The following INPP4B variants were observed in gnomAD, a reference collection of about 807,000 sequenced individuals.
The protein encoded by INPP4B is inositol polyphosphate 4-phosphatase type II.
Under a neutral mutation model 122.5 loss-of-function variants are expected in INPP4B, and 55 were observed. The ratio of observed to expected loss-of-function variants is 0.45; its 90% CI spans 0.36 to 0.56. The LOEUF is 0.56. INPP4B is among the 20% of genes least tolerant of loss of function. INPP4B has a pLI of 0.00. For missense variants in INPP4B, 1,000 were observed against 1,097.7 expected, an observed-to-expected ratio of 0.91 and a Z score of 1.26; for synonymous variants, 403 against 388.7, an observed-to-expected ratio of 1.04 and a Z score of -0.43.
intron 2 of INPP4B, among the ~76,000 whole-genome samples, chr4:142,593,427 C>A (rs895213940): frequency 1.3e-5 from 2 of 152,160 alleles, no homozygotes; most frequent in African/African-American, 4.8e-5. Context: ...TCAGCCCCCA[C>A]TTGACCTTTA....
At chr4:142,833,209 TA>T (rs1461596610) in intron 1 of INPP4B, among the ~76,000 whole-genome samples, 1 of 152,054 alleles carries the variant, frequency 6.6e-6, no homozygotes, top group Admixed American at 6.6e-5. Flanking sequence ...AAGTTCAATT[TA>T]AAAAAACTTA....
intron 1 of INPP4B, among the ~76,000 whole-genome samples, chr4:142,750,035 A>G (rs1459616436): frequency 6.6e-6 from 1 of 151,866 alleles, no homozygotes; most frequent in Non-Finnish European, 1.5e-5. Flanking sequence ...AACCAATTTT[A>G]ATATAAAAAA....
intron 2 of INPP4B, among the ~76,000 whole-genome samples, chr4:142,568,327 C>T (rs1732091869): frequency 6.6e-6 from 1 of 151,990 alleles, no homozygotes; most frequent in African/African-American, 2.4e-5. Context: ...GGTAACTTAC[C>T]AAGGTCCAAA....
chr4:142,409,274 C>CTA (rs1328024955), intron 5 of INPP4B, among the ~76,000 whole-genome samples: 2 of 152,178 alleles, frequency 1.3e-5, no homozygotes, highest in Non-Finnish European at 2.9e-5. Flanking sequence ...GGGCAGATTG[C>CTA]TTGAGGTCAG....
chr4:142,095,027 C>T (rs1323795756), intron 23 of INPP4B, among the ~76,000 whole-genome samples: 1 of 152,108 alleles, frequency 6.6e-6, no homozygotes, highest in Non-Finnish European at 1.5e-5. Context: ...TAATCTGGGA[C>T]ACTCATATAT....
chr4:142,061,227 A>G (rs1374310673), intron 25 of INPP4B, among the ~76,000 whole-genome samples: 1 of 152,228 alleles, frequency 6.6e-6, no homozygotes, highest in Admixed American at 6.5e-5. Context: ...TACCCAAAGT[A>G]GCAAACTCCC....
At chr4:142,218,048 G>GTGTGTGTGTGTT (rs1848032500) in intron 12 of INPP4B, among the ~76,000 whole-genome samples, 1 of 151,956 alleles carries the variant, frequency 6.6e-6, no homozygotes, top group Admixed American at 6.6e-5. Flanking sequence ...GTGTGTGTGT[G>GTGTGTGTGTGTT]TGTGTGTGTG....
intron 2 of INPP4B, among the ~76,000 whole-genome samples, chr4:142,545,415 A>G (rs1325878538): frequency 6.6e-6 from 1 of 152,078 alleles, no homozygotes. Flanking sequence ...TAACTGAGTG[A>G]CTCACTGAGG....
At chr4:142,837,159 A>AAATAAT (rs150797757) in intron 1 of INPP4B, among the ~76,000 whole-genome samples, 1,700 of 149,052 alleles carry the variant, frequency 0.011, 35 homozygotes, top group African/African-American at 0.038. Flanking sequence ...ACAGTCTCAA[A>AAATAAT]AATAATAATA....
chr4:142,055,981 G>A (rs576508281), intron 25 of INPP4B, among the ~76,000 whole-genome samples: 24 of 151,942 alleles, frequency 1.6e-4, no homozygotes, highest in African/African-American at 5.3e-4. Context: ...TCACATCTGG[G>A]GGTGATGGGA....
intron 25 of INPP4B, among the ~76,000 whole-genome samples, chr4:142,060,715 C>G (rs1392895314): frequency 6.6e-6 from 1 of 152,100 alleles, no homozygotes; most frequent in East Asian, 1.9e-4. Context: ...CAGATAACAC[C>G]CTGCCTGTCT....
At chr4:142,183,676 T>A (rs1395098654) in intron 15 of INPP4B, among the ~76,000 whole-genome samples, 1 of 152,190 alleles carries the variant, frequency 6.6e-6, no homozygotes, top group Non-Finnish European at 1.5e-5. Flanking sequence ...AGTTCAAAAG[T>A]TCCTCCTTGG....
intron 1 of INPP4B, among the ~76,000 whole-genome samples, chr4:142,796,698 A>ACC (rs1777284034): frequency 1.3e-5 from 2 of 152,168 alleles, no homozygotes; most frequent in South Asian, 4.1e-4. Context: ...AAACTAGACT[A>ACC]TTGATAATGA....
chr4:142,096,333 A>G (rs1781774624), intron 23 of INPP4B: 1 of 152,196 alleles, frequency 6.6e-6, no homozygotes, highest in Admixed American at 6.5e-5. Flanking sequence ...AGGCTAGCTA[A>G]AAGATTTGAC....
chr4:142,418,210 T>G (rs1370176029), intron 5 of INPP4B, among the ~76,000 whole-genome samples: 1 of 152,166 alleles, frequency 6.6e-6, no homozygotes, highest in Non-Finnish European at 1.5e-5. Context: ...CAATGAAATT[T>G]TAAAGGTTAA....
At chr4:142,443,121 A>T (rs1160650328) in intron 3 of INPP4B, among the ~76,000 whole-genome samples, 4 of 152,206 alleles carry the variant, frequency 2.6e-5, no homozygotes, top group Non-Finnish European at 5.9e-5. Flanking sequence ...ACCAAACCAT[A>T]TCAGACCTCA....
intron 8 of INPP4B, among the ~76,000 whole-genome samples, chr4:142,311,492 TG>T (rs1334687957): frequency 6.6e-6 from 1 of 152,166 alleles, no homozygotes; most frequent in African/African-American, 2.4e-5. Context: ...AATAAAATCA[TG>T]GTGTGCTTTT....
chr4:142,286,497 T>C (rs1753772025), intron 9 of INPP4B, among the ~76,000 whole-genome samples: 1 of 152,236 alleles, frequency 6.6e-6, no homozygotes, highest in Admixed American at 6.5e-5. Flanking sequence ...TGAGAATTGA[T>C]ACGAAATTTG....
chr4:142,029,464 G>A lies in INPP4B; in HGVS notation c.2643-550C>T, dbSNP rs149752298. The A allele has an allele frequency of 3.3e-5, 33 of 985,840 alleles. No individual in the cohort carries two copies. In the East Asian group the frequency reaches 2.4e-3, roughly 71 times the overall value. 61.1% of individuals were successfully genotyped at this position (985,840 alleles called of 1,614,324 possible). A position where few individuals can be genotyped will look rare whatever the true frequency, so the allele number is the denominator to read the frequency against. On this transcript the variant is annotated intron_variant, in intron 25 of 25. Coordinates refer to ENST00000262992, the MANE Select transcript of INPP4B (RefSeq NM_001101669.3). ...TTATAAAGGAAGAGTGCTTGTCCAC[G>A]GACAGTACAAAAGTCACAAGTGCTG...
Sources: allele counts gnomAD v4.1 joint callset (sites outside exome capture counted in the v4.1 genomes callset), GRCh38; gene constraint gnomAD v4.1.1; transcripts MANE v1.5; gene names NCBI Gene and HGNC (gene_info 2026-07-23, HGNC 2026-07-21).